Variants in FANCA observed in about 807,000 individuals in gnomAD.
FANCA encodes Fanconi anemia group A protein.
In FANCA, 236 loss-of-function variants were observed where a neutral mutation model predicts 194.3. The ratio of observed to expected loss-of-function variants is 1.21; its 90% CI spans 1.09 to 1.35. The LOEUF is 1.35. FANCA is among the 40% of genes most tolerant of loss of function. FANCA has a pLI of 0.00. For synonymous variants in FANCA, 1,014 were observed against 715.8 expected (o/e 1.42, Z -6.65); for missense variants, 2,628 against 1,813.9 (o/e 1.45, Z -8.15).
At chr16:89,765,932 C>G (rs1177522880) in intron 27 of FANCA, among the ~76,000 whole-genome samples, 1 of 152,152 alleles carries the variant, frequency 6.6e-6, no homozygotes, top group Non-Finnish European at 1.5e-5. Flanking sequence ...GGCCAGGAAT[C>G]TATAGTTTCA....
In FANCA at chr16:89,816,523, C is replaced by A; in HGVS notation, c.79+14G>T. ...GGACGCCGCCCACTCCCGCGGCCTG[C>A]CGCGCCCACCTACCCAGCAGCTCGG... On this transcript the variant is annotated intron_variant, in intron 1 of 42. Transcript: ENST00000389301. The A allele has an allele frequency of 6.7e-7, 1 of 1,484,712 alleles. No individual in the cohort carries two copies. Among genetic ancestry groups the A allele is most frequent in the Non-Finnish European group, 8.9e-7 (1 of 1,124,240 alleles). 92.0% of individuals were successfully genotyped at this position (1,484,712 alleles called of 1,614,324 possible). A position where few individuals can be genotyped will look rare whatever the true frequency, so the allele number is the denominator to read the frequency against.
At chr16:89,815,788 G>A in intron 2 of FANCA, 89 bp downstream of exon 2, 2 of 1,089,548 alleles carry the variant, frequency 1.8e-6, no homozygotes, top group East Asian at 2.4e-5. Context: ...CCGCCGCCTC[G>A]GGTGTTTTCT....
In FANCA at chr16:89,782,991, T is replaced by A; in HGVS notation, c.1566+16A>T. On this transcript the variant is annotated intron_variant, in intron 16 of 42. Transcript: ENST00000389301. ...CTGGGACAGGTGTGAGGAGTGGGCA[T>A]GGAGGGACAGCTTGCCTTGAGGTCG... 6.2e-7 allele frequency: 1 copy of A among 1,613,074 alleles called. No homozygotes were observed.
chr16:89,746,737 A>G (rs1206229783), intron 34 of FANCA, 49 bp from the exon 35 acceptor site: 3 of 1,603,184 alleles, frequency 1.9e-6, no homozygotes, highest in Non-Finnish European at 2.6e-6. Flanking sequence ...AGGACCCACA[A>G]CTAGTAGAGT....
In FANCA at chr16:89,746,596, C is replaced by T; in HGVS notation, c.3501G>A (p.Leu1167=). The change falls in exon 35 of 43, where the codon TTG becomes TTA. Residue 1167 remains leucine, a synonymous_variant. Coordinates refer to ENST00000389301, the MANE Select transcript of FANCA (RefSeq NM_000135.4). ...AKCQTKCPLI[L]TSALVWWPSL... ...ACAGCTGACCCACCAGAGCAGAGGT[C>T]AAAATTAAGGGGCATTTCGTCTGGC... 6.2e-7 allele frequency: 1 copy of T among 1,613,994 alleles called. No homozygotes were observed. The highest frequency in any genetic ancestry group is 1.3e-5 in the African/African-American group (1 of 75,036).
chr16:89,748,570 G>A (rs1035560128), intron 33 of FANCA, 89 bp downstream of exon 33: 27 of 1,000,928 alleles, frequency 2.7e-5, no homozygotes, highest in East Asian at 1.2e-4. Context: ...TAATTCACAC[G>A]GTCAGTACAC....
chr16:89,779,196 C>T (rs2039618383), intron 18 of FANCA, among the ~76,000 whole-genome samples, 193 bp from the exon 19 acceptor site: 1 of 152,100 alleles, frequency 6.6e-6, no homozygotes. Context: ...GCCCTGAGTC[C>T]GTGGGAATCA....
chr16:89,787,387 G>T (rs574205682), intron 14 of FANCA, among the ~76,000 whole-genome samples: 9 of 152,132 alleles, frequency 5.9e-5, no homozygotes, highest in Non-Finnish European at 1.3e-4. Context: ...GCCGTGTGTG[G>T]TGGCAGGCGC....
At chr16:89,768,037 C>G (rs2039191718) in intron 26 of FANCA, among the ~76,000 whole-genome samples, 1 of 152,174 alleles carries the variant, frequency 6.6e-6, no homozygotes, top group Non-Finnish European at 1.5e-5. Flanking sequence ...GATGCCCAGG[C>G]TGGAGTGCAG....
chr16:89,764,798 G>A (rs1156776392), intron 28 of FANCA, 92 bp downstream of exon 28: 11 of 1,437,138 alleles, frequency 7.7e-6, no homozygotes, highest in Non-Finnish European at 9.8e-6. Flanking sequence ...GGAAGGAACG[G>A]TCACCTACGT....
chr16:89,769,661 C>A (rs1003069483), intron 26 of FANCA, 176 bp downstream of exon 26: 3 of 706,342 alleles, frequency 4.2e-6, no homozygotes, highest in African/African-American at 3.6e-5. Flanking sequence ...AACAAACGCA[C>A]GCATATTATA....
At chr16:89,778,196 C>T (rs2039577141) in intron 20 of FANCA, 1 of 144,110 alleles carries the variant, frequency 6.9e-6, no homozygotes, top group Admixed American at 7.1e-5. Context: ...GGAGCGGTGG[C>T]TCACATCTGT....
chr16:89,765,353 C>A (rs908253852), intron 27 of FANCA, among the ~76,000 whole-genome samples: 1 of 151,216 alleles, frequency 6.6e-6, no homozygotes, highest in African/African-American at 2.4e-5. Flanking sequence ...CTCAGTCCAG[C>A]CCCTGGGAGG....
At chr16:89,771,895 C>A in intron 22 of FANCA, 81 bp from the exon 23 acceptor site, 1 of 1,517,664 alleles carries the variant, frequency 6.6e-7, no homozygotes, top group South Asian at 1.1e-5. Context: ...CTCCGCCTCC[C>A]GTCAAGTACG....
At position 89,750,610 on chromosome 16, in the gene FANCA, T is replaced by C. The variant is rs560220930; in HGVS notation, c.3067-708A>G. On this transcript the variant is annotated intron_variant, in intron 31 of 42. Coordinates refer to ENST00000389301, the MANE Select transcript of FANCA (RefSeq NM_000135.4). ...CCAAGACCAGCCTGGCCAACAAAAT[T>C]AGCCATACAAAAATTAGCTGGGTGT... Among the ~76,000 whole-genome samples the C allele has an allele frequency of 8.0e-5, 12 of 149,674 alleles. No homozygotes were observed. The East Asian group carries it at 1.4e-3, about 17-fold the overall frequency.
At chr16:89,764,814 T>G in intron 28 of FANCA, 76 bp downstream of exon 28, 2 of 1,532,758 alleles carry the variant, frequency 1.3e-6, no homozygotes, top group Non-Finnish European at 1.8e-6. Context: ...TACGTGCTGC[T>G]GTTCTTGCCC....
intron 12 of FANCA, 115 bp downstream of exon 12, chr16:89,792,356 G>C: frequency 1.7e-6 from 2 of 1,154,188 alleles, no homozygotes; most frequent in Non-Finnish European, 2.6e-6. Flanking sequence ...CATCTCACCA[G>C]ACATCCCTGA....
chr16:89,760,237 G>A (rs1397795883), intron 29 of FANCA, among the ~76,000 whole-genome samples: 7 of 152,224 alleles, frequency 4.6e-5, no homozygotes, highest in Admixed American at 1.3e-4. Flanking sequence ...GAGAAACGGG[G>A]GTGAGTGAAG....
chr16:89,815,857 G>T lies in FANCA; in HGVS notation c.189+20C>A. The T allele has an allele frequency of 1.3e-6, 2 of 1,576,722 alleles. No individual in the cohort carries two copies. The highest frequency in any genetic ancestry group is 1.3e-5 in the African/African-American group (1 of 74,296). ...CCCGAACCTAAATCTGCCCGCAGAC[G>T]GACACCAGCTTCCTCTTACCTCAAG... On this transcript the variant is annotated intron_variant, in intron 2 of 42. Coordinates refer to ENST00000389301, the MANE Select transcript of FANCA (RefSeq NM_000135.4).
Sources: gnomAD v4.1 joint callset for allele counts (sites outside exome capture counted in the v4.1 genomes callset) on GRCh38, gnomAD v4.1.1 for gene constraint, MANE v1.5 for transcripts, NCBI Gene and HGNC (gene_info 2026-07-23, HGNC 2026-07-21) for gene names.